GLRA1: variants seen among roughly 807,000 people sequenced by gnomAD.
GLRA1 encodes glycine receptor subunit alpha-1.
A neutral mutation model predicts 48.3 loss-of-function variants in GLRA1; 37 were observed. The ratio of observed to expected loss-of-function variants is 0.77; its 90% CI spans 0.59 to 1.01. The LOEUF (loss-of-function observed/expected upper bound fraction) is 1.01. Among genes scored for constraint, GLRA1 ranks in the 50% least tolerant of loss-of-function variants. The probability of loss-of-function intolerance (pLI) is 0.00; values close to 1 mark genes in which losing one functional copy is unlikely to be tolerated. For synonymous variants in GLRA1, 196 were observed against 210.7 expected, an observed-to-expected ratio of 0.93 and a Z score of 0.60; for missense variants, 427 against 571.0, an observed-to-expected ratio of 0.75 and a Z score of 2.57.
intron 3 of GLRA1, among the ~76,000 whole-genome samples, chr5:151,871,315 A>G (rs1753478327): frequency 6.7e-6 from 1 of 149,496 alleles, no homozygotes; most frequent in African/African-American, 2.6e-5. Flanking sequence ...AGTGTAATGG[A>G]AAAAGGAACA....
chr5:151,849,100 TTTC>T (rs1752769211), intron 7 of GLRA1: 1 of 169,300 alleles, frequency 5.9e-6, no homozygotes, highest in Non-Finnish European at 1.1e-5. Context: ...TTTTATTTCT[TTTC>T]TTTTCTTTCT....
At position 151,837,770 on chromosome 5, in the gene GLRA1, T is replaced by C. The variant is rs137940978; in HGVS notation, c.913-8703A>G. Among the ~76,000 whole-genome samples, 392 of 152,238 alleles carry C rather than the reference T, an allele frequency of 2.6e-3. 7 individuals are homozygous for C. Among genetic ancestry groups the C allele is most frequent in the African/African-American group, 9.0e-3 (373 of 41,542 alleles). ...ATGGGAGTTCAACAATGAGAATACATGGACACAGGGCAGGGAACATCACAC... is the reference window on the plus strand; with the variant it reads ...ATGGGAGTTCAACAATGAGAATACACGGACACAGGGCAGGGAACATCACAC... On this transcript the variant is annotated intron_variant, in intron 7 of 8. Coordinates refer to ENST00000274576, the MANE Select transcript of GLRA1 (RefSeq NM_000171.4).
chr5:151,892,530 C>G, intron 1 of GLRA1, 92 bp from the exon 2 acceptor site: 2 of 1,356,192 alleles, frequency 1.5e-6, no homozygotes, highest in South Asian at 1.2e-5. Context: ...TGTAGAACCA[C>G]AAGAGTGTTC....
intron 1 of GLRA1, among the ~76,000 whole-genome samples, chr5:151,898,110 C>T (rs1754268847): frequency 6.6e-6 from 1 of 152,210 alleles, no homozygotes; most frequent in East Asian, 1.9e-4. Context: ...GAGTCACTTC[C>T]CTTGTTGGCT....
intron 2 of GLRA1, among the ~76,000 whole-genome samples, chr5:151,888,100 A>G (rs1231092181): frequency 1.3e-5 from 2 of 152,240 alleles, no homozygotes. Flanking sequence ...TAACTCACCT[A>G]GGCTCATTCA....
intron 3 of GLRA1, among the ~76,000 whole-genome samples, chr5:151,873,665 CAAA>C (rs60113920): frequency 1.3e-4 from 14 of 107,886 alleles, no homozygotes; most frequent in Admixed American, 1.9e-4. Context: ...CACTTTGTCT[CAAA>C]AAAAAAAAAA....
chr5:151,855,315 C>G, intron 5 of GLRA1, 138 bp from the exon 6 acceptor site: 1 of 784,982 alleles, frequency 1.3e-6, no homozygotes, highest in African/African-American at 1.7e-5. Flanking sequence ...CTTTTTTTTC[C>G]TCTCAAAAGA....
chr5:151,917,391 C>G (rs1358008288), intron 1 of GLRA1, among the ~76,000 whole-genome samples: 1 of 152,140 alleles, frequency 6.6e-6, no homozygotes, highest in South Asian at 2.1e-4. Context: ...GATTCTGTTT[C>G]AGTAGTTTGA....
intron 7 of GLRA1, among the ~76,000 whole-genome samples, chr5:151,847,506 G>A (rs1285917391): frequency 6.6e-6 from 1 of 152,130 alleles, no homozygotes; most frequent in Non-Finnish European, 1.5e-5. Flanking sequence ...GGATCACGAG[G>A]TCAGGAGTTC....
At chr5:151,849,492 C>T (rs1425212143) in intron 7 of GLRA1, among the ~76,000 whole-genome samples, 2 of 82,998 alleles carry the variant, frequency 2.4e-5, no homozygotes, top group East Asian at 6.6e-4. Context: ...TCCTTCCTTC[C>T]TTTCTTTTCT....
At chr5:151,886,590 T>A in intron 3 of GLRA1, 131 bp downstream of exon 3, 1 of 732,614 alleles carries the variant, frequency 1.4e-6, no homozygotes, top group Non-Finnish European at 2.5e-6. Flanking sequence ...AGCCTCATGG[T>A]ATACCACTGG....
chr5:151,858,220 G>A (rs1247246326), intron 4 of GLRA1, among the ~76,000 whole-genome samples: 1 of 152,150 alleles, frequency 6.6e-6, no homozygotes, highest in African/African-American at 2.4e-5. Context: ...CAAGGTTGAA[G>A]CAAAAGGGGA....
rs189739504 is a variant in GLRA1 at position 151,841,797 on chromosome 5, C to T, written c.912+9593G>A. ...AGAGGCCATTCATGGTGGCTCATGC[C>T]TGTAATCCCAGCACTTTGGGAGGCC... On this transcript the variant is annotated intron_variant, in intron 7 of 8. Transcript: ENST00000274576. Among the ~76,000 whole-genome samples, 42 of 152,308 alleles carry T rather than the reference C, an allele frequency of 2.8e-4. No homozygotes were observed. The Middle Eastern group carries it at 0.01, about 37-fold the overall frequency.
intron 1 of GLRA1, among the ~76,000 whole-genome samples, chr5:151,918,216 A>G (rs1470180993): frequency 6.6e-6 from 1 of 152,140 alleles, no homozygotes; most frequent in Non-Finnish European, 1.5e-5. Flanking sequence ...ATCTCTGGGC[A>G]TTGTTCCCTT....
chr5:151,893,537 G>T lies in GLRA1; in HGVS notation c.57-1099C>A, dbSNP rs1394908150. 2.0e-5 allele frequency among the ~76,000 whole-genome samples: 3 copies of T among 152,058 alleles called. No homozygotes were observed. In the East Asian group the frequency reaches 5.8e-4, roughly 29 times the overall value. On this transcript the variant is annotated intron_variant, in intron 1 of 8. Coordinates refer to ENST00000274576, the MANE Select transcript of GLRA1 (RefSeq NM_000171.4). ...CCCCCACTACCCGACAGGCCCTGTT[G>T]TGTGATGTTCCCCTCCCTGTGTCCA...
intron 1 of GLRA1, among the ~76,000 whole-genome samples, chr5:151,918,370 T>C (rs1169386645): frequency 6.6e-6 from 1 of 152,236 alleles, no homozygotes; most frequent in Admixed American, 6.5e-5. Flanking sequence ...ATCCGGTGCC[T>C]GTGGCCTTGT....
intron 1 of GLRA1, among the ~76,000 whole-genome samples, chr5:151,910,561 A>T (rs371083055): frequency 3.0e-4 from 45 of 152,162 alleles, no homozygotes; most frequent in African/African-American, 1.1e-3. Context: ...GTAATCATTC[A>T]TCCTGGCCAT....
chr5:151,909,703 T>C (rs1436266029), intron 1 of GLRA1, among the ~76,000 whole-genome samples: 5 of 152,216 alleles, frequency 3.3e-5, no homozygotes, highest in Non-Finnish European at 5.9e-5. Context: ...ATAGTGTATC[T>C]TGTAGACTAT....
At position 151,893,287 on chromosome 5, in the gene GLRA1, T is replaced by A. The variant is rs144870668; in HGVS notation, c.57-849A>T. Among the ~76,000 whole-genome samples, 292 of 45,918 alleles carry A rather than the reference T, an allele frequency of 6.4e-3. 2 individuals carry two copies. The highest frequency in any genetic ancestry group is 0.021 in the African/African-American group (246 of 11,454). 30.1% of individuals were successfully genotyped at this position (45,918 alleles called of 152,430 possible). A position where few individuals can be genotyped will look rare whatever the true frequency, so the allele number is the denominator to read the frequency against. ...ACATGACCCTCCCTCTGCCCAACTT[T>A]CTTTCTTTCTTTCTTTCTTTCTTTC... On this transcript the variant is annotated intron_variant, in intron 1 of 8. Coordinates refer to ENST00000274576, the MANE Select transcript of GLRA1 (RefSeq NM_000171.4).
Sources: allele counts gnomAD v4.1 joint callset (sites outside exome capture counted in the v4.1 genomes callset), GRCh38; gene constraint gnomAD v4.1.1; transcripts MANE v1.5; gene names NCBI Gene and HGNC (gene_info 2026-07-23, HGNC 2026-07-21).